Variants in ASB17 observed in about 807,000 individuals in gnomAD.
The protein encoded by ASB17 is ankyrin repeat and SOCS box protein 17.
Under a neutral mutation model 25.7 loss-of-function variants are expected in ASB17, and 26 were observed. The observed-to-expected ratio is 1.01, with a 90% confidence interval of 0.74 to 1.40. The LOEUF (loss-of-function observed/expected upper bound fraction) is 1.40. ASB17 is among the 40% of genes most tolerant of loss of function. ASB17 has a pLI of 0.00. For missense variants in ASB17, 326 were observed against 338.5 expected, an observed-to-expected ratio of 0.96 and a Z score of 0.29; for synonymous variants, 128 against 121.4, an observed-to-expected ratio of 1.05 and a Z score of -0.36.
chr1:75,928,463 C>T (rs1259504648), intron 1 of ASB17, among the ~76,000 whole-genome samples: 2 of 152,132 alleles, frequency 1.3e-5, no homozygotes, highest in African/African-American at 4.8e-5. Context: ...TAAGTTTCTT[C>T]CCCTCGTTAA....
chr1:75,930,616 A>T (rs1210446125), intron 1 of ASB17, among the ~76,000 whole-genome samples: 1 of 152,038 alleles, frequency 6.6e-6, no homozygotes, highest in South Asian at 2.1e-4. Flanking sequence ...TACCTTGTGG[A>T]TGCATCTAAG....
chr1:75,930,222 TTA>T (rs953820977), intron 1 of ASB17, among the ~76,000 whole-genome samples: 35 of 148,036 alleles, frequency 2.4e-4, no homozygotes, highest in African/African-American at 8.1e-4. Flanking sequence ...TATATAACTA[TTA>T]TATGACTAGT....
intron 1 of ASB17, among the ~76,000 whole-genome samples, chr1:75,926,613 A>G (rs1653180994): frequency 6.6e-6 from 1 of 152,204 alleles, no homozygotes; most frequent in Non-Finnish European, 1.5e-5. Flanking sequence ...GGAGGTTTTG[A>G]GTAGAAGAGT....
chr1:75,926,538 T>C (rs1653176803), intron 1 of ASB17, among the ~76,000 whole-genome samples: 1 of 152,196 alleles, frequency 6.6e-6, no homozygotes, highest in African/African-American at 2.4e-5. Flanking sequence ...TGCCACATTA[T>C]TTAGAGCCTT....
rs374004591 is a variant in ASB17, at chr1:75,929,382, G to A, written c.401+2509C>T. Among the ~76,000 whole-genome samples the A allele has an allele frequency of 3.7e-3, 492 of 132,972 alleles. 8 individuals carry two copies. Among genetic ancestry groups the A allele is most frequent in the African/African-American group, 0.013 (473 of 36,954 alleles). 87.2% of individuals were successfully genotyped at this position (132,972 alleles called of 152,430 possible). ...TGGGACTACAGGCGCCCGCCACTGCGCCCAGCTAATTTTTTTTTTTTTGTA... is the reference window on the plus strand; with the variant it reads ...TGGGACTACAGGCGCCCGCCACTGCACCCAGCTAATTTTTTTTTTTTTGTA... On this transcript the variant is annotated intron_variant, in intron 1 of 2. Coordinates refer to ENST00000284142, the MANE Select transcript of ASB17 (RefSeq NM_080868.3).
At chr1:75,926,970 G>T (rs187070258) in intron 1 of ASB17, among the ~76,000 whole-genome samples, 27 of 152,260 alleles carry the variant, frequency 1.8e-4, no homozygotes, top group African/African-American at 6.5e-4. Flanking sequence ...ATATGATTAA[G>T]ATCTTGAGGT....
chr1:75,930,156 A>G (rs1266502589), intron 1 of ASB17, among the ~76,000 whole-genome samples: 2 of 149,038 alleles, frequency 1.3e-5, no homozygotes, highest in Admixed American at 6.7e-5. Flanking sequence ...CTATATATTT[A>G]TATATTATAT....
intron 1 of ASB17, among the ~76,000 whole-genome samples, chr1:75,929,781 A>G (rs1653274330): frequency 6.6e-6 from 1 of 152,074 alleles, no homozygotes. Context: ...AACGAAAGAG[A>G]TGAAAGGAGA....
At chr1:75,921,165 A>G (rs1203152489) in intron 2 of ASB17, among the ~76,000 whole-genome samples, 1 of 152,056 alleles carries the variant, frequency 6.6e-6, no homozygotes, top group African/African-American at 2.4e-5. Context: ...ATTATGCAGA[A>G]TTAATACTGG....
intron 2 of ASB17, among the ~76,000 whole-genome samples, chr1:75,919,947 G>A (rs958071106): frequency 4.6e-5 from 7 of 152,222 alleles, no homozygotes; most frequent in Non-Finnish European, 7.4e-5. Flanking sequence ...ATCTAGATCC[G>A]AACAAGTTTT....
intron 1 of ASB17, among the ~76,000 whole-genome samples, chr1:75,930,215 A>G (rs1653286661): frequency 2.0e-5 from 3 of 148,042 alleles, no homozygotes; most frequent in Non-Finnish European, 4.5e-5. Context: ...ATTTAGTTAT[A>G]TAACTATTAT....
intron 2 of ASB17, among the ~76,000 whole-genome samples, chr1:75,921,600 A>G (rs553090826): frequency 1.4e-3 from 216 of 152,302 alleles, no homozygotes; most frequent in African/African-American, 5.1e-3. Context: ...AGGGATAGAT[A>G]TTTTCACTTG....
rs139449858 is a variant in ASB17 at position 75,931,920 on chromosome 1, G to T, written c.372C>A (p.Asp124Glu). The T allele has an allele frequency of 1.9e-6, 3 of 1,610,842 alleles. No individual in the cohort carries two copies. Among genetic ancestry groups the T allele is most frequent in the Non-Finnish European group, 2.5e-6 (3 of 1,178,622 alleles). Reference protein sequence around the residue: ...LLKKTKDYVQDRSCNLALIWR... With the variant: ...LLKKTKDYVQERSCNLALIWR... ...ATATCAGTGCCAGGTTACAACTTCT[G>T]TCTTGAACATAGTCTTTTGTCTTCT... Residue 124 changes from aspartate to glutamate, a missense_variant, in exon 1 of 3, where the codon GAC becomes GAA. By Grantham distance (45) the Asp-to-Glu change is conservative. Coordinates refer to ENST00000284142, the MANE Select transcript of ASB17 (RefSeq NM_080868.3).
chr1:75,919,896 A>G (rs1006718585), intron 2 of ASB17, among the ~76,000 whole-genome samples: 5 of 152,226 alleles, frequency 3.3e-5, no homozygotes, highest in Non-Finnish European at 7.3e-5. Context: ...CTTTGGGTAT[A>G]TACCCAGTAA....
Position 75,932,241 on chromosome 1 carries a change from A to G in ASB17, c.51T>C (p.Asn17=), listed in dbSNP as rs764972679. ...LCGKTSCPRS[N]IFCNLLDKIV... Reference sequence around the variant, plus strand: ...TTTTGTCAAGGAGATTGCAGAATATATTGCTTCTTGGACAAGAAGTCTTAC... The same window carrying G: ...TTTTGTCAAGGAGATTGCAGAATATGTTGCTTCTTGGACAAGAAGTCTTAC... The change falls in exon 1 of 3, where the codon AAT becomes AAC. Residue 17 remains asparagine, a synonymous_variant. Transcript: ENST00000284142. 2.3e-5 allele frequency: 37 copies of G among 1,613,494 alleles called. No homozygotes were observed. Among genetic ancestry groups the G allele is most frequent in the East Asian group, 1.3e-4 (6 of 44,874 alleles).
chr1:75,926,987 T>C (rs972429955), intron 1 of ASB17, among the ~76,000 whole-genome samples: 1 of 152,150 alleles, frequency 6.6e-6, no homozygotes, highest in African/African-American at 2.4e-5. Flanking sequence ...AGGTGGGAAA[T>C]TAACTAGGTG....
chr1:75,919,451 A>G (rs1391350895), intron 2 of ASB17, among the ~76,000 whole-genome samples: 1 of 151,942 alleles, frequency 6.6e-6, no homozygotes, highest in Non-Finnish European at 1.5e-5. Context: ...TTAGTTACAT[A>G]TGTATACATG....
chr1:75,929,150 A>G (rs1330966424), intron 1 of ASB17, among the ~76,000 whole-genome samples: 2 of 152,226 alleles, frequency 1.3e-5, no homozygotes, highest in African/African-American at 2.4e-5. Flanking sequence ...AGGGAGAGTA[A>G]TACAAGATGG....
chr1:75,923,880 T>G (rs1653095705), intron 1 of ASB17, among the ~76,000 whole-genome samples: 1 of 152,178 alleles, frequency 6.6e-6, no homozygotes, highest in Admixed American at 6.5e-5. Flanking sequence ...CCTAATTTAT[T>G]TAATACTTGC....
Sources: allele counts gnomAD v4.1 joint callset (sites outside exome capture counted in the v4.1 genomes callset), GRCh38; gene constraint gnomAD v4.1.1; transcripts MANE v1.5; gene names NCBI Gene and HGNC (gene_info 2026-07-23, HGNC 2026-07-21).